The following LEPROTL1 variants were observed in gnomAD, a reference collection of about 807,000 sequenced individuals.
LEPROTL1 encodes the protein leptin receptor overlapping transcript-like 1.
LEPROTL1 carries 6 observed loss-of-function variants against 15.4 expected under a neutral mutation model. The observed-to-expected ratio is 0.39, with a 90% confidence interval of 0.21 to 0.77. The LOEUF is 0.77. Among genes scored for constraint, LEPROTL1 ranks in the 30% least tolerant of loss-of-function variants. LEPROTL1 has a pLI of 0.41. For missense variants in LEPROTL1, 128 were observed against 158.1 expected (o/e 0.81, Z 1.02); for synonymous variants, 56 against 52.6 (o/e 1.06, Z -0.28).
chr8:30,130,301 G>C (rs568743708), intron 3 of LEPROTL1, among the ~76,000 whole-genome samples: 37 of 152,210 alleles, frequency 2.4e-4, no homozygotes, highest in African/African-American at 8.9e-4. Flanking sequence ...GAGTACTGGA[G>C]TAAAATAGAA....
Position 30,128,655 on chromosome 8 carries a change from G to C in LEPROTL1, c.280-3720G>C, listed in dbSNP as rs1031489805. ...TAGTCCCAGCTACTTGGGAGGCTGA[G>C]GTGGGAGGATTCCTTGAGCCCAGGA... On this transcript the variant is annotated intron_variant, in intron 3 of 4. Coordinates refer to the LEPROTL1 transcript ENST00000442880. Among the ~76,000 whole-genome samples, 6 of 152,074 alleles carry C rather than the reference G, an allele frequency of 3.9e-5. No individual in the cohort carries two copies. In the East Asian group the frequency reaches 1.2e-3, roughly 29 times the overall value.
chr8:30,136,730 CTT>C (rs11390350), intron 4 of LEPROTL1, among the ~76,000 whole-genome samples: 16 of 143,706 alleles, frequency 1.1e-4, no homozygotes, highest in African/African-American at 1.3e-4. Context: ...TCCCCCCGAA[CTT>C]TTTTTTTTTT....
At chr8:30,116,676 A>G (rs1298162760) in intron 3 of LEPROTL1, among the ~76,000 whole-genome samples, 1 of 152,206 alleles carries the variant, frequency 6.6e-6, no homozygotes. Flanking sequence ...CTTACGTGAT[A>G]AATGTCCTTC....
At chr8:30,097,710 C>CACAA (rs1802395678) in intron 1 of LEPROTL1, among the ~76,000 whole-genome samples, 1 of 147,054 alleles carries the variant, frequency 6.8e-6, no homozygotes, top group Non-Finnish European at 1.5e-5. Flanking sequence ...CACACACACA[C>CACAA]ACACACACAC....
chr8:30,115,856 T>C (rs2117505312), intron 3 of LEPROTL1, among the ~76,000 whole-genome samples: 1 of 152,284 alleles, frequency 6.6e-6, no homozygotes, highest in East Asian at 1.9e-4. Context: ...GAAATTATAA[T>C]ACCCAGGTAG....
chr8:30,132,026 A>C, intron 3 of LEPROTL1: 1 of 1,551,960 alleles, frequency 6.4e-7, no homozygotes, highest in South Asian at 1.2e-5. Context: ...TACGAATTAC[A>C]GAGCAACCAG....
chr8:30,099,629 GC>G (rs1802430407), intron 1 of LEPROTL1, among the ~76,000 whole-genome samples: 1 of 133,384 alleles, frequency 7.5e-6, no homozygotes, highest in East Asian at 2.2e-4. Flanking sequence ...AAAAAAACCA[GC>G]AAAAAAACAC....
intron 1 of LEPROTL1, among the ~76,000 whole-genome samples, chr8:30,097,694 T>TACACACAC (rs1443256910): frequency 2.5e-5 from 2 of 80,154 alleles, no homozygotes; most frequent in African/African-American, 8.4e-5. Context: ...AATATATATA[T>TACACACAC]ATATACACAC....
At chr8:30,111,673 A>G (rs1053571117), downstream of LEPROTL1, among the ~76,000 whole-genome samples, 1 of 152,240 alleles carries the variant, frequency 6.6e-6, no homozygotes, top group Non-Finnish European at 1.5e-5. Flanking sequence ...AGACAGAAAT[A>G]TATCGAAGCC....
intron 3 of LEPROTL1, 121 bp downstream of exon 3, chr8:30,104,607 G>A: frequency 1.9e-6 from 1 of 518,630 alleles, no homozygotes; most frequent in Admixed American, 3.8e-5. Context: ...AGAAGATAGA[G>A]ATTAAAATCT....
chr8:30,117,156 A>G (rs908914903), intron 3 of LEPROTL1, among the ~76,000 whole-genome samples: 3 of 152,148 alleles, frequency 2.0e-5, no homozygotes, highest in African/African-American at 7.2e-5. Context: ...GAGACAGAAG[A>G]TGATCATCGC....
intron 1 of LEPROTL1, among the ~76,000 whole-genome samples, chr8:30,100,115 G>A (rs954526909): frequency 6.6e-6 from 1 of 152,214 alleles, no homozygotes; most frequent in South Asian, 2.1e-4. Context: ...AGGACTAAGT[G>A]ATGTGTTCGG....
At chr8:30,108,637 AT>A (rs1323772995), downstream of LEPROTL1, 1 of 149,514 alleles carries the variant, frequency 6.7e-6, no homozygotes, top group African/African-American at 2.5e-5. Context: ...GACATTGTCA[AT>A]ACAGATTTTT....
chr8:30,123,996 T>C (rs1486726259), intron 3 of LEPROTL1, among the ~76,000 whole-genome samples: 2 of 151,234 alleles, frequency 1.3e-5, no homozygotes, highest in African/African-American at 4.9e-5. Context: ...TTTTTTTTTT[T>C]CCAGAAGATA....
At chr8:30,121,964 G>C (rs991728681) in intron 3 of LEPROTL1, among the ~76,000 whole-genome samples, 1 of 151,546 alleles carries the variant, frequency 6.6e-6, no homozygotes, top group African/African-American at 2.4e-5. Flanking sequence ...TCAGGAGTTC[G>C]AGACCAGCCT....
At chr8:30,110,904 T>C (rs1162954877), downstream of LEPROTL1, among the ~76,000 whole-genome samples, 1 of 152,230 alleles carries the variant, frequency 6.6e-6, no homozygotes, top group East Asian at 1.9e-4. Flanking sequence ...ATATATAGTG[T>C]GTCTGGCATT....
intron 3 of LEPROTL1, among the ~76,000 whole-genome samples, chr8:30,130,503 C>A (rs946284145): frequency 6.6e-6 from 1 of 152,130 alleles, no homozygotes; most frequent in Non-Finnish European, 1.5e-5. Context: ...AGTCCTGAAA[C>A]CTTTCTCTTG....
intron 3 of LEPROTL1, chr8:30,117,351 A>T: frequency 1.0e-6 from 1 of 957,892 alleles, no homozygotes; most frequent in Non-Finnish European, 1.6e-6. Context: ...TCTGTGAGGC[A>T]TTTTGTTTGT....
intron 3 of LEPROTL1, among the ~76,000 whole-genome samples, chr8:30,125,671 G>C (rs891240209): frequency 6.6e-6 from 1 of 152,150 alleles, no homozygotes; most frequent in South Asian, 2.1e-4. Context: ...TCCACATCCT[G>C]TTATGGCGTA....
Sources: gnomAD v4.1 joint callset for allele counts (sites outside exome capture counted in the v4.1 genomes callset) on GRCh38, gnomAD v4.1.1 for gene constraint, MANE v1.5 for transcripts, NCBI Gene and HGNC (gene_info 2026-07-23, HGNC 2026-07-21) for gene names.